Variants in SERGEF observed in about 807,000 individuals in gnomAD.
SERGEF encodes the protein secretion-regulating guanine nucleotide exchange factor.
A neutral mutation model predicts 50.0 loss-of-function variants in SERGEF; 51 were observed. The observed-to-expected ratio is 1.02, with a 90% CI of 0.81 to 1.29. The LOEUF is 1.29. Among genes scored for constraint, SERGEF ranks in the 50% most tolerant of loss-of-function variants. The probability of loss-of-function intolerance (pLI) is 0.00; values close to 1 mark genes in which losing one functional copy is unlikely to be tolerated. For missense variants in SERGEF, 521 were observed against 557.0 expected, an observed-to-expected ratio of 0.94 and a Z score of 0.65; for synonymous variants, 205 against 212.4, an observed-to-expected ratio of 0.97 and a Z score of 0.30.
Position 18,002,505 on chromosome 11 carries a change from T to C in SERGEF, c.447+1936A>G, listed in dbSNP as rs555062262. ...TCATTCCGTTGCACCTTTGCTTACA[T>C]GGTTCCTTCTGCCTAGAATGTTCTT... On this transcript the variant is annotated intron_variant, in intron 4 of 10. Transcript: ENST00000265965. Among the ~76,000 whole-genome samples the C allele has an allele frequency of 2.7e-3, 406 of 152,324 alleles. 3 individuals are homozygous for C. The highest frequency in any genetic ancestry group is 8.9e-3 in the African/African-American group (369 of 41,570).
At chr11:17,799,822 C>T (rs1006846416) in intron 10 of SERGEF, among the ~76,000 whole-genome samples, 4 of 152,188 alleles carry the variant, frequency 2.6e-5, no homozygotes, top group Non-Finnish European at 4.4e-5. Flanking sequence ...GTATCTGGTC[C>T]GTGTCTGGTG....
chr11:17,894,307 G>T (rs1324473448), intron 9 of SERGEF, among the ~76,000 whole-genome samples: 1 of 152,166 alleles, frequency 6.6e-6, no homozygotes, highest in Non-Finnish European at 1.5e-5. Flanking sequence ...AAAAGGAAAA[G>T]AATTACATTT....
intron 8 of SERGEF, among the ~76,000 whole-genome samples, chr11:17,978,543 A>C (rs1367806954): frequency 6.6e-6 from 1 of 152,180 alleles, no homozygotes; most frequent in African/African-American, 2.4e-5. Flanking sequence ...AGGCCCTTGA[A>C]GAAATCAGGA....
intron 10 of SERGEF, among the ~76,000 whole-genome samples, chr11:17,802,670 ATGCT>A (rs1175355816): frequency 1.3e-5 from 2 of 152,060 alleles, no homozygotes; most frequent in Non-Finnish European, 2.9e-5. Context: ...CTGGCCAGTC[ATGCT>A]TCCAGCTTTA....
rs181829324 is a variant in SERGEF, at chr11:17,844,435, C to T, written c.1048+33773G>A. ...AGATATAGGTTTTCATAATTAAGAA[C>T]AGTATTTTCACCCTCTCGTACCTCT... On this transcript the variant is annotated intron_variant, in intron 10 of 10. Transcript: ENST00000265965. 2.7e-3 allele frequency among the ~76,000 whole-genome samples: 410 copies of T among 152,248 alleles called. 1 individual carries two copies. The highest frequency in any genetic ancestry group is 8.9e-3 in the African/African-American group (370 of 41,546).
At chr11:17,824,165 G>T (rs1415847966) in intron 10 of SERGEF, among the ~76,000 whole-genome samples, 1 of 152,280 alleles carries the variant, frequency 6.6e-6, no homozygotes. Context: ...GCCGGGCGTG[G>T]TGGCGGGCGC....
chr11:17,929,339 A>G (rs1852310011), intron 9 of SERGEF, among the ~76,000 whole-genome samples: 1 of 152,174 alleles, frequency 6.6e-6, no homozygotes, highest in South Asian at 2.1e-4. Flanking sequence ...GGCAGCCACT[A>G]AGAGGATAAT....
At chr11:17,840,434 C>T (rs374213722) in intron 10 of SERGEF, among the ~76,000 whole-genome samples, 2 of 152,308 alleles carry the variant, frequency 1.3e-5, no homozygotes, top group South Asian at 2.1e-4. Flanking sequence ...CCCCTTCCTG[C>T]CCGCCAGTCC....
At chr11:17,903,127 ATC>A (rs1313511586) in intron 9 of SERGEF, among the ~76,000 whole-genome samples, 6 of 152,264 alleles carry the variant, frequency 3.9e-5, no homozygotes, top group African/African-American at 1.4e-4. Context: ...CAATAACAGT[ATC>A]TCATGTGCCA....
chr11:17,965,432 C>T (rs928143340), intron 8 of SERGEF, among the ~76,000 whole-genome samples: 1 of 152,182 alleles, frequency 6.6e-6, no homozygotes, highest in Non-Finnish European at 1.5e-5. Context: ...TACTGGTTCC[C>T]TTTGTCCCCA....
chr11:17,977,493 CT>C (rs1853401276), intron 8 of SERGEF, among the ~76,000 whole-genome samples: 1 of 152,164 alleles, frequency 6.6e-6, no homozygotes, highest in African/African-American at 2.4e-5. Context: ...AATACCTGCC[CT>C]TTCCTGCTTC....
Position 17,809,838 on chromosome 11 carries a change from G to A in SERGEF, c.1049-21425C>T, listed in dbSNP as rs140493305. ...GATTCCTTGATTCACAGTCCTGGTA[G>A]ATGAATCTAGAATCCAACCCCAAGG... On this transcript the variant is annotated intron_variant, in intron 10 of 10. Coordinates refer to ENST00000265965, the MANE Select transcript of SERGEF (RefSeq NM_012139.4). 2.0e-3 allele frequency among the ~76,000 whole-genome samples: 302 copies of A among 152,294 alleles called. 2 individuals carry two copies. The highest frequency in any genetic ancestry group is 6.5e-3 in the African/African-American group (270 of 41,566).
chr11:17,911,273 T>C (rs978800982), intron 9 of SERGEF, among the ~76,000 whole-genome samples: 4 of 149,000 alleles, frequency 2.7e-5, no homozygotes, highest in Non-Finnish European at 5.9e-5. Flanking sequence ...CCAGGATTCA[T>C]GTCTGGCTCT....
chr11:17,958,904 C>A (rs1852933498), intron 9 of SERGEF, among the ~76,000 whole-genome samples: 1 of 151,928 alleles, frequency 6.6e-6, no homozygotes, highest in Non-Finnish European at 1.5e-5. Context: ...CTGCCCCCAC[C>A]CCCCTCCAGG....
intron 8 of SERGEF, among the ~76,000 whole-genome samples, chr11:17,964,137 C>T (rs1853070782): frequency 6.6e-6 from 1 of 152,038 alleles, no homozygotes; most frequent in African/African-American, 2.4e-5. Flanking sequence ...AAGGGTCCCG[C>T]TAATGGGAAT....
chr11:17,912,347 T>TA (rs911139752), intron 9 of SERGEF, among the ~76,000 whole-genome samples: 7 of 152,152 alleles, frequency 4.6e-5, no homozygotes, highest in Non-Finnish European at 7.4e-5. Flanking sequence ...AATTTTTCTT[T>TA]AAAAAAACAC....
intron 10 of SERGEF, among the ~76,000 whole-genome samples, chr11:17,873,415 AC>A (rs1851183021): frequency 6.6e-6 from 1 of 152,202 alleles, no homozygotes; most frequent in African/African-American, 2.4e-5. Context: ...TAAGCTCTCT[AC>A]AAGGCCCTAG....
intron 9 of SERGEF, among the ~76,000 whole-genome samples, chr11:17,902,374 G>GT (rs1252495269): frequency 6.6e-6 from 1 of 152,194 alleles, no homozygotes; most frequent in East Asian, 1.9e-4. Context: ...AGGAAAGAGG[G>GT]CGCAGACACC....
intron 9 of SERGEF, among the ~76,000 whole-genome samples, chr11:17,899,437 ATT>A (rs1851704284): frequency 6.6e-6 from 1 of 152,162 alleles, no homozygotes; most frequent in Non-Finnish European, 1.5e-5. Flanking sequence ...AGGTTCCATC[ATT>A]GTTTCTATTT....
Sources: gnomAD v4.1 joint callset for allele counts (sites outside exome capture counted in the v4.1 genomes callset) on GRCh38, gnomAD v4.1.1 for gene constraint, MANE v1.5 for transcripts, NCBI Gene and HGNC (gene_info 2026-07-23, HGNC 2026-07-21) for gene names.